Variants in C3orf20 observed in about 807,000 individuals in gnomAD.
C3orf20 encodes family with sequence similarity 149 member C.
A neutral mutation model predicts 88.3 loss-of-function variants in C3orf20; 76 were observed. That is an observed-to-expected ratio of 0.86 (90% CI 0.72 to 1.04). The LOEUF (loss-of-function observed/expected upper bound fraction) is 1.04. Among genes scored for constraint, C3orf20 ranks in the 50% least tolerant of loss-of-function variants. The pLI is 0.00. For synonymous variants in C3orf20, 436 were observed against 437.4 expected, an observed-to-expected ratio of 1.00 and a Z score of 0.04; for missense variants, 1,056 against 1,123.3, an observed-to-expected ratio of 0.94 and a Z score of 0.86.
chr3:14,698,766 A>G (rs1366181968), intron 5 of C3orf20, among the ~76,000 whole-genome samples: 2 of 152,170 alleles, frequency 1.3e-5, no homozygotes, highest in Non-Finnish European at 2.9e-5. Flanking sequence ...TGCTGTAACC[A>G]CTACCTGACT....
At chr3:14,682,512 C>G in intron 2 of C3orf20, 66 bp from the exon 3 acceptor site, 2 of 645,052 alleles carry the variant, frequency 3.1e-6, no homozygotes, top group Non-Finnish European at 5.2e-6. Context: ...AGGTAAGGGA[C>G]GGGGGACCTC....
In C3orf20 at chr3:14,686,193, C is replaced by CGTGTGTGTGTGTGTGT. The variant is rs58844982; in HGVS notation, c.625+1815_625+1830dup. ...CCTTTTTTAATAGCTGAATCATATT[C>CGTGTGTGTGTGTGTGT]GTGTGTGTGTGTGTGTGTGACATTT... is the stretch of plus-strand genomic sequence containing the variant. On this transcript the variant is annotated intron_variant, in intron 4 of 16. Transcript: ENST00000253697. 9.8e-3 allele frequency among the ~76,000 whole-genome samples: 1,472 copies of CGTGTGTGTGTGTGTGT among 149,578 alleles called. 13 individuals are homozygous for CGTGTGTGTGTGTGTGT. Among genetic ancestry groups the CGTGTGTGTGTGTGTGT allele is most frequent in the East Asian group, 0.028 (141 of 5,062 alleles).
intron 7 of C3orf20, among the ~76,000 whole-genome samples, chr3:14,708,287 T>C (rs1377649338): frequency 1.3e-5 from 2 of 152,222 alleles, no homozygotes; most frequent in South Asian, 4.1e-4. Context: ...TCTTTCCCCA[T>C]TGAATGGTCA....
At chr3:14,763,726 C>T (rs141558523) in intron 15 of C3orf20, among the ~76,000 whole-genome samples, 14 of 152,270 alleles carry the variant, frequency 9.2e-5, no homozygotes, top group East Asian at 5.8e-4. Flanking sequence ...CCTCTCTGTG[C>T]GCCAGCTTCT....
In C3orf20 at chr3:14,760,928, G is replaced by T. The variant is rs759301252; in HGVS notation, c.2353-545G>T. On this transcript the variant is annotated intron_variant, in intron 14 of 16. Coordinates refer to ENST00000253697, the MANE Select transcript of C3orf20 (RefSeq NM_032137.5). ...GTTTTTGTTGACATTTAAGTTATTT[G>T]TATTTTTTTGCCATAACAAATAATG... 3.3e-5 allele frequency among the ~76,000 whole-genome samples: 5 copies of T among 151,944 alleles called. No individual in the cohort carries two copies. The South Asian group carries it at 6.3e-4, about 19-fold the overall frequency.
At chr3:14,752,169 A>T (rs1021765721) in intron 12 of C3orf20, among the ~76,000 whole-genome samples, 1 of 152,252 alleles carries the variant, frequency 6.6e-6, no homozygotes, top group African/African-American at 2.4e-5. Flanking sequence ...GGCCTCAGAA[A>T]TAACACCACA....
intron 15 of C3orf20, among the ~76,000 whole-genome samples, chr3:14,770,280 T>C (rs1393554192): frequency 1.3e-5 from 2 of 152,174 alleles, no homozygotes; most frequent in African/African-American, 4.8e-5. Flanking sequence ...GGTAAGGGGC[T>C]GCAAAGAGGC....
intron 10 of C3orf20, among the ~76,000 whole-genome samples, chr3:14,726,630 A>G (rs925993096): frequency 6.6e-6 from 1 of 152,186 alleles, no homozygotes; most frequent in African/African-American, 2.4e-5. Flanking sequence ...TCCATCTTCA[A>G]GCTGCATTGA....
chr3:14,695,943 G>A (rs746179080), intron 5 of C3orf20, among the ~76,000 whole-genome samples: 28 of 151,870 alleles, frequency 1.8e-4, no homozygotes, highest in Non-Finnish European at 3.4e-4. Context: ...ACCCTATGTC[G>A]TTTGATTGGA....
Position 14,728,654 on chromosome 3 carries a change from A to G in C3orf20, c.1906A>G (p.Thr636Ala), listed in dbSNP as rs759081756. Reference protein sequence around the residue: ...SAPVSPVRKTTKIHTKAKVTS... With the variant: ...SAPVSPVRKTAKIHTKAKVTS... ...TCCTGTGAGCCCAGTTCGGAAGACCACCAAAATCCACACCAAAGCCAAGGT... is the reference window on the plus strand; with the variant it reads ...TCCTGTGAGCCCAGTTCGGAAGACCGCCAAAATCCACACCAAAGCCAAGGT... Residue 636 changes from threonine to alanine, a missense_variant, in exon 12 of 17, where the codon ACC becomes GCC. Coordinates refer to ENST00000253697, the MANE Select transcript of C3orf20 (RefSeq NM_032137.5). The G allele has an allele frequency of 1.9e-6, 3 of 1,613,982 alleles. No individual in the cohort carries two copies. In the South Asian group the frequency reaches 3.3e-5, roughly 18 times the overall value.
intron 12 of C3orf20, among the ~76,000 whole-genome samples, chr3:14,737,034 C>T (rs2034734152): frequency 1.3e-5 from 2 of 152,068 alleles, no homozygotes; most frequent in Non-Finnish European, 2.9e-5. Context: ...CTTTTTTTCT[C>T]TGGCTGTTTT....
At chr3:14,729,648 G>A (rs993735563) in intron 12 of C3orf20, among the ~76,000 whole-genome samples, 7 of 152,190 alleles carry the variant, frequency 4.6e-5, no homozygotes, top group African/African-American at 1.7e-4. Context: ...CCAGGTTCAA[G>A]CGATTCTCCT....
At chr3:14,708,334 A>G (rs1266397567) in intron 7 of C3orf20, among the ~76,000 whole-genome samples, 1 of 152,226 alleles carries the variant, frequency 6.6e-6, no homozygotes, top group Non-Finnish European at 1.5e-5. Flanking sequence ...CTGTAGAACT[A>G]TAGATGTATG....
At chr3:14,735,248 CA>C (rs1169825100) in intron 12 of C3orf20, among the ~76,000 whole-genome samples, 3 of 151,190 alleles carry the variant, frequency 2.0e-5, no homozygotes, top group Non-Finnish European at 4.4e-5. Flanking sequence ...ATATTTGTAC[CA>C]CCTTACTGTT....
rs112890408 is a variant in C3orf20 at position 14,735,616 on chromosome 3, C to T, written c.1940+6928C>T. On this transcript the variant is annotated intron_variant, in intron 12 of 16. Transcript: ENST00000253697. Reference sequence around the variant, plus strand: ...TTATGAATTTTTTTTTTTTTTGAGGCGAAGTCTCTCTCTGTCACCCAGGCT... The same window carrying T: ...TTATGAATTTTTTTTTTTTTTGAGGTGAAGTCTCTCTCTGTCACCCAGGCT... Among the ~76,000 whole-genome samples, 1,081 of 149,018 alleles carry T rather than the reference C, an allele frequency of 7.3e-3. 9 individuals carry two copies. The highest frequency in any genetic ancestry group is 0.025 in the African/African-American group (1,010 of 40,406).
intron 15 of C3orf20, among the ~76,000 whole-genome samples, chr3:14,762,326 G>A (rs941473271): frequency 6.6e-5 from 10 of 152,206 alleles, no homozygotes; most frequent in African/African-American, 2.4e-4. Context: ...AGCACCTCCT[G>A]GGCCCAGCTC....
At chr3:14,732,781 T>C (rs547661549) in intron 12 of C3orf20, among the ~76,000 whole-genome samples, 5 of 152,330 alleles carry the variant, frequency 3.3e-5, no homozygotes, top group East Asian at 1.9e-4. Flanking sequence ...CCTAACCCAA[T>C]GTCACAAAAA....
In C3orf20 at chr3:14,704,392, C is replaced by T. The variant is rs146642906; in HGVS notation, c.934C>T (p.Arg312Ter). The change falls in exon 7 of 17, where the codon CGA (arginine) becomes TGA (stop). Residue 312 changes from arginine (R) to a stop codon, truncating the protein, a stop_gained. Transcript: ENST00000253697. LOFTEE classifies it high-confidence loss of function. ...GAATATCTCCTACCCCATGATCTTA[C>T]GAAACTACAAGGCAAAGATGCCCTC... is the stretch of plus-strand genomic sequence containing the variant. ...GRNISYPMIL[R>*]NYKAKMPSHL... The T allele has an allele frequency of 4.0e-4, 641 of 1,614,144 alleles. No individual in the cohort carries two copies. The highest frequency in any genetic ancestry group is 6.3e-4 in the Admixed American group (38 of 60,028).
At chr3:14,747,642 A>T (rs1376555439) in intron 12 of C3orf20, among the ~76,000 whole-genome samples, 2 of 152,172 alleles carry the variant, frequency 1.3e-5, no homozygotes, top group Non-Finnish European at 2.9e-5. Context: ...TTTTCTCTTC[A>T]GTCATCCCAC....
Sources: gnomAD v4.1 joint callset for allele counts (sites outside exome capture counted in the v4.1 genomes callset) on GRCh38, gnomAD v4.1.1 for gene constraint, MANE v1.5 for transcripts, NCBI Gene and HGNC (gene_info 2026-07-23, HGNC 2026-07-21) for gene names.